Variants in IFT80 observed in about 807,000 individuals in gnomAD.
IFT80 encodes the protein intraflagellar transport protein 80 homolog.
A neutral mutation model predicts 107.9 loss-of-function variants in IFT80; 79 were observed. The ratio of observed to expected loss-of-function variants is 0.73; its 90% CI spans 0.61 to 0.88. The LOEUF is 0.88. Ranked by LOEUF, IFT80 falls within the 40% of genes least tolerant of loss-of-function variation. The pLI is 0.00. For missense variants in IFT80, 797 were observed against 914.2 expected (o/e 0.87, Z 1.65); for synonymous variants, 299 against 300.9 (o/e 0.99, Z 0.07).
At chr3:160,355,941 T>C in intron 8 of IFT80, 72 bp downstream of exon 8, 1 of 1,542,034 alleles carries the variant, frequency 6.5e-7, no homozygotes, top group Non-Finnish European at 9.0e-7. Flanking sequence ...TTTTAAAGAC[T>C]GAGAACCATG....
intron 8 of IFT80, among the ~76,000 whole-genome samples, chr3:160,324,596 C>T (rs1403027544): frequency 6.6e-6 from 1 of 152,112 alleles, no homozygotes; most frequent in Non-Finnish European, 1.5e-5. Context: ...ATGCTAAAAA[C>T]TCTCAATAAA....
intron 9 of IFT80, among the ~76,000 whole-genome samples, chr3:160,312,305 A>G (rs1717331819): frequency 6.6e-6 from 1 of 151,542 alleles, no homozygotes. Flanking sequence ...GTGGCTGTAG[A>G]TTTTTTTGGT....
At chr3:160,358,499 G>C (rs965274370) in intron 6 of IFT80, among the ~76,000 whole-genome samples, 1 of 152,076 alleles carries the variant, frequency 6.6e-6, no homozygotes, top group East Asian at 1.9e-4. Context: ...CCATAGATAA[G>C]TATATATTCT....
In IFT80 at chr3:160,366,168, A is replaced by AT; in HGVS notation, c.440-17_440-16insA. On this transcript the variant is annotated splice_polypyrimidine_tract_variant and intron_variant, in intron 5 of 19. Coordinates refer to ENST00000326448, the MANE Select transcript of IFT80 (RefSeq NM_020800.3). ...ACTGGTGTTCCTGTAAGATGAAAAA[A>AT]GAAAAAAAAAAGGCTGATAAACTTT... 1 of 1,556,250 alleles carries AT rather than the reference A, an allele frequency of 6.4e-7. No individual in the cohort carries two copies. The highest frequency in any genetic ancestry group is 1.4e-5 in the African/African-American group (1 of 73,670).
chr3:160,291,423 G>A (rs1715542295), intron 12 of IFT80, among the ~76,000 whole-genome samples: 1 of 152,198 alleles, frequency 6.6e-6, no homozygotes, highest in South Asian at 2.1e-4. Flanking sequence ...GTGTATTCAT[G>A]AGTCTACCTG....
At chr3:160,280,945 A>G (rs1363566092) in intron 14 of IFT80, 131 bp from the exon 15 acceptor site, 1 of 767,482 alleles carries the variant, frequency 1.3e-6, no homozygotes, top group African/African-American at 1.7e-5. Flanking sequence ...CTGATTCTAT[A>G]ATGGTGAAAA....
At chr3:160,386,081 C>G (rs775290490) in intron 1 of IFT80, among the ~76,000 whole-genome samples, 1 of 152,116 alleles carries the variant, frequency 6.6e-6, no homozygotes, top group African/African-American at 2.4e-5. Flanking sequence ...AATCATAATC[C>G]TCTATAAATA....
chr3:160,327,351 A>G (rs1576815363), intron 8 of IFT80, among the ~76,000 whole-genome samples: 1 of 152,136 alleles, frequency 6.6e-6, no homozygotes, highest in African/African-American at 2.4e-5. Context: ...GGAGCCAAAA[A>G]AGAGCCTGAA....
intron 8 of IFT80, among the ~76,000 whole-genome samples, chr3:160,351,574 CATATATT>C (rs1440332184): frequency 7.2e-6 from 1 of 139,612 alleles, no homozygotes; most frequent in Non-Finnish European, 1.6e-5. Context: ...TATATACACA[CATATATT>C]ATATGTATAT....
intron 1 of IFT80, 91 bp from the exon 2 acceptor site, chr3:160,384,737 C>T: frequency 1.1e-6 from 1 of 914,434 alleles, no homozygotes; most frequent in Non-Finnish European, 1.7e-6. Context: ...CATCATTGCA[C>T]CCCAACGAGC....
chr3:160,374,871 T>C lies in IFT80; in HGVS notation c.439+941A>G, dbSNP rs558970610. Among the ~76,000 whole-genome samples, 4 of 152,326 alleles carry C rather than the reference T, an allele frequency of 2.6e-5. No homozygotes were observed. In the South Asian group the frequency reaches 8.3e-4, roughly 32 times the overall value. On this transcript the variant is annotated intron_variant, in intron 5 of 19. Coordinates refer to ENST00000326448, the MANE Select transcript of IFT80 (RefSeq NM_020800.3). ...CTATGAACTCTGAATTTTCTACTCA[T>C]GAATAAATATTCTGCCTTGAGATTA...
chr3:160,352,926 T>C (rs1720818864), intron 8 of IFT80, among the ~76,000 whole-genome samples: 1 of 152,180 alleles, frequency 6.6e-6, no homozygotes, highest in Admixed American at 6.5e-5. Flanking sequence ...CAGCTCCTAA[T>C]TAGCCATCCT....
chr3:160,321,370 A>C (rs889497849), intron 8 of IFT80, among the ~76,000 whole-genome samples: 1 of 151,994 alleles, frequency 6.6e-6, no homozygotes, highest in Non-Finnish European at 1.5e-5. Context: ...ATATATTAAC[A>C]TATAGGCTTA....
intron 18 of IFT80, among the ~76,000 whole-genome samples, chr3:160,271,286 C>A (rs2108214884): frequency 6.6e-6 from 1 of 152,156 alleles, no homozygotes; most frequent in East Asian, 1.9e-4. Flanking sequence ...GGCAACCAAA[C>A]AAATGTGACA....
chr3:160,295,900 A>T (rs1458272941), intron 12 of IFT80, among the ~76,000 whole-genome samples: 1 of 152,226 alleles, frequency 6.6e-6, no homozygotes, highest in Non-Finnish European at 1.5e-5. Context: ...TAGTCACAGA[A>T]GAACAAATAT....
chr3:160,264,587 A>G (rs971330987), intron 19 of IFT80, among the ~76,000 whole-genome samples: 6 of 143,330 alleles, frequency 4.2e-5, no homozygotes, highest in African/African-American at 1.6e-4. Flanking sequence ...GCATGTCACC[A>G]TGTCCAGCTA....
intron 8 of IFT80, among the ~76,000 whole-genome samples, chr3:160,323,678 A>G (rs1576809671): frequency 6.6e-6 from 1 of 152,124 alleles, no homozygotes; most frequent in East Asian, 1.9e-4. Context: ...AGAAGCAGGA[A>G]AGATCCAAAA....
chr3:160,353,391 A>ACCC (rs756839397), intron 8 of IFT80, among the ~76,000 whole-genome samples: 4 of 151,936 alleles, frequency 2.6e-5, no homozygotes, highest in African/African-American at 4.8e-5. Flanking sequence ...CCCCACAGCA[A>ACCC]CCCCAAAGGA....
In IFT80 at chr3:160,377,594, C is replaced by T. The variant is rs557721041; in HGVS notation, c.260-54G>A. ...TTTTATTTATTCAATCAACAAAGCA[C>T]CTACTACTAGACTAAGTAATAGGCA... On this transcript the variant is annotated intron_variant, in intron 3 of 19. Transcript: ENST00000326448. 2.6e-4 allele frequency: 272 copies of T among 1,032,670 alleles called. 2 individuals are homozygous for T. Among genetic ancestry groups the T allele is most frequent in the South Asian group, 9.4e-4 (73 of 77,392 alleles). The allele number at this position is 1,032,670 out of a possible 1,614,324, so 64.0% of individuals were successfully genotyped here. A position where few individuals can be genotyped will look rare whatever the true frequency, so the allele number is the denominator to read the frequency against.
Sources: gnomAD v4.1 joint callset for allele counts (sites outside exome capture counted in the v4.1 genomes callset) on GRCh38, gnomAD v4.1.1 for gene constraint, MANE v1.5 for transcripts, NCBI Gene and HGNC (gene_info 2026-07-23, HGNC 2026-07-21) for gene names.